Variants in ZNF385D observed in about 807,000 individuals in gnomAD.
The protein encoded by ZNF385D is zinc finger protein 659.
Under a neutral mutation model 35.8 loss-of-function variants are expected in ZNF385D, and 15 were observed. The ratio of observed to expected loss-of-function variants is 0.42; its 90% CI spans 0.28 to 0.64. The LOEUF is 0.64. ZNF385D is among the 30% of genes least tolerant of loss of function. The pLI, the probability that ZNF385D is intolerant of heterozygous loss-of-function variation, is 0.23. For missense variants in ZNF385D, 474 were observed against 494.6 expected (o/e 0.96, Z 0.39); for synonymous variants, 212 against 186.8 (o/e 1.13, Z -1.10).
At position 22,189,934 on chromosome 3, in the gene ZNF385D, G is replaced by C. The variant is rs534883292; in HGVS notation, c.107-20899C>G. 2.0e-5 allele frequency among the ~76,000 whole-genome samples: 3 copies of C among 152,214 alleles called. No homozygotes were observed. In the East Asian group the frequency reaches 5.8e-4, roughly 29 times the overall value. On this transcript the variant is annotated intron_variant, in intron 2 of 5. Transcript: ENST00000494108. Reference sequence around the variant, plus strand: ...ATTCCAGAAGTGAGCTCTACTTACAGAGCTATATATATGCTAACCCTCATA... The same window carrying C: ...ATTCCAGAAGTGAGCTCTACTTACACAGCTATATATATGCTAACCCTCATA...
At chr3:21,563,885 C>G (rs187895248) in intron 3 of ZNF385D, among the ~76,000 whole-genome samples, 62 of 152,062 alleles carry the variant, frequency 4.1e-4, no homozygotes, top group African/African-American at 1.4e-3. Context: ...GGCCACAGAT[C>G]AAAATTAATA....
At chr3:22,342,683 T>G (rs1189014091) in intron 2 of ZNF385D, among the ~76,000 whole-genome samples, 7 of 152,192 alleles carry the variant, frequency 4.6e-5, no homozygotes, top group Admixed American at 3.9e-4. Flanking sequence ...AACTACTGAT[T>G]GTTACGTACT....
chr3:21,603,139 C>T (rs2064365853), intron 2 of ZNF385D, among the ~76,000 whole-genome samples: 1 of 152,044 alleles, frequency 6.6e-6, no homozygotes, highest in African/African-American at 2.4e-5. Flanking sequence ...GTATATGTAC[C>T]AAGCCATATA....
rs1214143626 is a variant in ZNF385D, at chr3:21,732,030, G to GTTTTTTTTTTTTTTTTTTTTTTTTTT, written c.22+18839_22+18864dup. Among the ~76,000 whole-genome samples the GTTTTTTTTTTTTTTTTTTTTTTTTTT allele has an allele frequency of 5.4e-5, 2 of 37,370 alleles. 1 individual carries two copies. 24.5% of individuals were successfully genotyped at this position (37,370 alleles called of 152,430 possible). On this transcript the variant is annotated intron_variant, in intron 1 of 7. Coordinates refer to ENST00000281523, the MANE Select transcript of ZNF385D (RefSeq NM_024697.3). ...TTCAGGGTTTTTTTCTTTTTTCGGG[G>GTTTTTTTTTTTTTTTTTTTTTTTTTT]TTTTTTTTTTTTTTTTTTTTTTTTT... is the stretch of plus-strand genomic sequence containing the variant.
In ZNF385D at chr3:21,485,206, G is replaced by A. The variant is rs987561897; in HGVS notation, c.439+25655C>T. Among the ~76,000 whole-genome samples, 11 of 152,262 alleles carry A rather than the reference G, an allele frequency of 7.2e-5. No individual in the cohort carries two copies. The Middle Eastern group carries it at 0.01, about 141-fold the overall frequency. On this transcript the variant is annotated intron_variant, in intron 4 of 7. Coordinates refer to ENST00000281523, the MANE Select transcript of ZNF385D (RefSeq NM_024697.3). ...ACGTCAAGGTTTATTTCACATGTAC[G>A]TGTTTCTGAGCCACAGTGTTACATG... is the stretch of plus-strand genomic sequence containing the variant.
At chr3:21,746,127 A>G (rs1467913161) in intron 1 of ZNF385D, among the ~76,000 whole-genome samples, 1 of 152,220 alleles carries the variant, frequency 6.6e-6, no homozygotes, top group Non-Finnish European at 1.5e-5. Flanking sequence ...AGCAACTGTG[A>G]CCGAATCTTC....
intron 3 of ZNF385D, among the ~76,000 whole-genome samples, chr3:22,161,686 T>C (rs1321009506): frequency 6.6e-6 from 1 of 152,190 alleles, no homozygotes; most frequent in Non-Finnish European, 1.5e-5. Flanking sequence ...TAGTGATAAA[T>C]TATCAAATGA....
At chr3:21,791,837 C>G (rs966131678) in intron 3 of ZNF385D, among the ~76,000 whole-genome samples, 9 of 152,092 alleles carry the variant, frequency 5.9e-5, no homozygotes, top group Non-Finnish European at 1.2e-4. Flanking sequence ...CTGGTTCAAG[C>G]AATTCTCCTG....
chr3:22,053,009 A>G (rs1699349890), intron 3 of ZNF385D, among the ~76,000 whole-genome samples: 1 of 77,980 alleles, frequency 1.3e-5, no homozygotes, highest in Non-Finnish European at 2.5e-5. Context: ...GGCCTCCTTG[A>G]GCTGTGGTGG....
At chr3:21,852,775 T>A (rs1473352722) in intron 3 of ZNF385D, among the ~76,000 whole-genome samples, 1 of 151,834 alleles carries the variant, frequency 6.6e-6, no homozygotes, top group African/African-American at 2.4e-5. Flanking sequence ...ACAAAATATA[T>A]GAAACTTAAT....
At chr3:21,806,879 C>T (rs1489805000) in intron 3 of ZNF385D, among the ~76,000 whole-genome samples, 1 of 152,140 alleles carries the variant, frequency 6.6e-6, no homozygotes, top group Non-Finnish European at 1.5e-5. Flanking sequence ...CAAAGCAAAA[C>T]ATTAGCAGTA....
chr3:21,523,733 T>C (rs1316980014), intron 3 of ZNF385D, among the ~76,000 whole-genome samples: 1 of 152,052 alleles, frequency 6.6e-6, no homozygotes, highest in Non-Finnish European at 1.5e-5. Context: ...CATTTAAAGA[T>C]TATGTTCTCT....
At chr3:22,212,777 C>A (rs574598235) in intron 2 of ZNF385D, among the ~76,000 whole-genome samples, 5 of 151,872 alleles carry the variant, frequency 3.3e-5, no homozygotes, top group African/African-American at 9.7e-5. Flanking sequence ...AATAGTATAG[C>A]TATAGTTAGC....
intron 7 of ZNF385D, 137 bp from the exon 8 acceptor site, chr3:21,421,584 C>CAT: frequency 1.6e-6 from 1 of 628,202 alleles, no homozygotes; most frequent in Non-Finnish European, 2.7e-6. Flanking sequence ...GAACTGACAA[C>CAT]AAAGAAAATG....
chr3:21,969,539 G>A (rs779518723), intron 3 of ZNF385D, among the ~76,000 whole-genome samples: 1 of 152,126 alleles, frequency 6.6e-6, no homozygotes, highest in African/African-American at 2.4e-5. Flanking sequence ...TATAGCATTA[G>A]GTAAACGGAC....
chr3:21,611,382 CCTT>C (rs1559458395), intron 2 of ZNF385D, among the ~76,000 whole-genome samples: 1 of 152,168 alleles, frequency 6.6e-6, no homozygotes. Context: ...CTATGCTACT[CCTT>C]CTGGGGGAAA....
At chr3:21,609,102 A>G (rs1228943395) in intron 2 of ZNF385D, among the ~76,000 whole-genome samples, 1 of 152,182 alleles carries the variant, frequency 6.6e-6, no homozygotes, top group Non-Finnish European at 1.5e-5. Context: ...GAATTGTGCT[A>G]AATAACTTCT....
intron 3 of ZNF385D, among the ~76,000 whole-genome samples, chr3:22,125,763 G>A (rs769456588): frequency 6.6e-6 from 1 of 151,984 alleles, no homozygotes; most frequent in Non-Finnish European, 1.5e-5. Flanking sequence ...TTTGTATGTT[G>A]ATTTTGTATC....
intron 2 of ZNF385D, among the ~76,000 whole-genome samples, chr3:22,253,078 GAGA>G (rs979650125): frequency 6.6e-6 from 1 of 152,076 alleles, no homozygotes; most frequent in Non-Finnish European, 1.5e-5. Context: ...GATGACAAAG[GAGA>G]AGGTGTTTTG....
Sources: allele counts gnomAD v4.1 joint callset (sites outside exome capture counted in the v4.1 genomes callset), GRCh38; gene constraint gnomAD v4.1.1; transcripts MANE v1.5; gene names NCBI Gene and HGNC (gene_info 2026-07-23, HGNC 2026-07-21).